CXADR: variants seen among roughly 807,000 people sequenced by gnomAD.
CXADR encodes coxsackievirus and adenovirus receptor.
In CXADR, 20 loss-of-function variants were observed where a neutral mutation model predicts 40.3. The observed-to-expected ratio is 0.50, with a 90% CI of 0.35 to 0.72. The LOEUF (loss-of-function observed/expected upper bound fraction) is 0.72. Ranked by LOEUF, CXADR falls within the 30% of genes least tolerant of loss-of-function variation. The probability of loss-of-function intolerance (pLI) is 0.01; values close to 1 mark genes in which losing one functional copy is unlikely to be tolerated. For missense variants in CXADR, 332 were observed against 449.1 expected (o/e 0.74, Z 2.36); for synonymous variants, 150 against 161.3 (o/e 0.93, Z 0.53).
chr21:17,595,929 T>C (rs923317002), downstream of CXADR, among the ~76,000 whole-genome samples: 3 of 152,030 alleles, frequency 2.0e-5, no homozygotes, highest in Non-Finnish European at 1.5e-5. Flanking sequence ...TTCACATCCT[T>C]GCTAACATTT....
chr21:17,598,838 T>G, the CXADR span: 2 of 1,598,800 alleles, frequency 1.3e-6, no homozygotes, highest in Non-Finnish European at 1.7e-6. Flanking sequence ...AGAATAAAAT[T>G]AAAAACTTAC....
chr21:17,548,967 C>T (rs1230909919), intron 2 of CXADR, among the ~76,000 whole-genome samples: 2 of 152,160 alleles, frequency 1.3e-5, no homozygotes, highest in African/African-American at 4.8e-5. Context: ...ATTTAAACTA[C>T]ATATGTTAAC....
downstream of CXADR, among the ~76,000 whole-genome samples, chr21:17,597,954 A>C (rs2061525014): frequency 6.6e-6 from 1 of 152,168 alleles, no homozygotes; most frequent in African/African-American, 2.4e-5. Flanking sequence ...AAAATTAGTA[A>C]TAAGTACATT....
rs147039711 is a variant in CXADR at position 17,587,449 on chromosome 21, G to A, written c.1018-5703G>A. Among the ~76,000 whole-genome samples the A allele has an allele frequency of 1.2e-3, 180 of 152,294 alleles. 1 individual carries two copies. The highest frequency in any genetic ancestry group is 4.2e-3 in the African/African-American group (173 of 41,558). ...TCGCCATTCTAACTGGTGTGAGATG[G>A]TATCTCAATGTGGTTTTGATTTGCA... On this transcript the variant is annotated intron_variant, in intron 7 of 7. Transcript: ENST00000400169.
intron 3 of CXADR, among the ~76,000 whole-genome samples, chr21:17,558,080 CCT>C (rs1491514298): frequency 1.2e-4 from 5 of 43,418 alleles, no homozygotes; most frequent in Middle Eastern, 0.011. Context: ...CCTCAGATTT[CCT>C]TTTTTTTTTT....
At chr21:17,593,832 T>A, downstream of CXADR, 1 of 419,902 alleles carries the variant, frequency 2.4e-6, no homozygotes, top group Non-Finnish European at 4.2e-6. Context: ...ACAGAGTTGA[T>A]GCACAATATA....
intron 1 of CXADR, chr21:17,542,888 CT>C (rs1217621187): frequency 6.0e-6 from 1 of 166,722 alleles, no homozygotes; most frequent in African/African-American, 2.4e-5. Flanking sequence ...AAGTGTCTGT[CT>C]TTTGTCTTAT....
the CXADR span, among the ~76,000 whole-genome samples, chr21:17,611,357 A>G: frequency 2.0e-5 from 3 of 152,124 alleles, no homozygotes; most frequent in Admixed American, 6.5e-5. Context: ...TATGTGCCAC[A>G]TATCTGAGTT....
chr21:17,564,090 T>C (rs1445959157), intron 6 of CXADR, among the ~76,000 whole-genome samples: 2 of 151,646 alleles, frequency 1.3e-5, no homozygotes, highest in African/African-American at 4.8e-5. Context: ...GAAACGAGTA[T>C]GGCTGTATTT....
At chr21:17,539,341 C>T (rs1408567308) in intron 1 of CXADR, among the ~76,000 whole-genome samples, 1 of 151,112 alleles carries the variant, frequency 6.6e-6, no homozygotes, top group African/African-American at 2.4e-5. Context: ...TTAAAACTGT[C>T]GCTGGTTTGT....
chr21:17,555,571 G>T (rs1278032654), intron 3 of CXADR, among the ~76,000 whole-genome samples: 2 of 152,016 alleles, frequency 1.3e-5, no homozygotes, highest in Non-Finnish European at 2.9e-5. Context: ...CTGTTTTCCG[G>T]TAATGTCCTT....
intron 6 of CXADR, among the ~76,000 whole-genome samples, chr21:17,563,530 A>G (rs932753568): frequency 2.6e-5 from 4 of 152,106 alleles, no homozygotes; most frequent in Non-Finnish European, 5.9e-5. Flanking sequence ...TAAAATAGTA[A>G]CATCAAAGAT....
At chr21:17,532,126 C>T (rs1313006274) in intron 1 of CXADR, among the ~76,000 whole-genome samples, 5 of 151,884 alleles carry the variant, frequency 3.3e-5, no homozygotes, top group African/African-American at 7.3e-5. Flanking sequence ...AGAGATGGTG[C>T]CTTCCTATGT....
intron 1 of CXADR, among the ~76,000 whole-genome samples, chr21:17,546,495 A>G (rs1443916816): frequency 6.6e-6 from 1 of 152,212 alleles, no homozygotes; most frequent in East Asian, 1.9e-4. Flanking sequence ...GGAGGCAGGC[A>G]CGTCCCACGT....
In CXADR at chr21:17,521,537, G is replaced by A. The variant is rs555136595; in HGVS notation, c.43+8365G>A. Among the ~76,000 whole-genome samples the A allele has an allele frequency of 1.1e-4, 17 of 152,092 alleles. 1 individual carries two copies. In the South Asian group the frequency reaches 2.7e-3, roughly 24 times the overall value. ...GGGGCTTCGCCATGTTGGCCAGGCT[G>A]GTCTCGAACTCCTGACCTCAGGTGA... On this transcript the variant is annotated intron_variant, in intron 1 of 6. Transcript: ENST00000284878.
At chr21:17,553,614 C>CTTTTTTTTTTTT (rs10710377) in intron 3 of CXADR, among the ~76,000 whole-genome samples, 4 of 128,274 alleles carry the variant, frequency 3.1e-5, no homozygotes, top group Non-Finnish European at 3.4e-5. Context: ...GGTCCGAATT[C>CTTTTTTTTTTTT]TTTTTTTTTT....
chr21:17,601,162 CAAA>C, the CXADR span, among the ~76,000 whole-genome samples: 2 of 115,674 alleles, frequency 1.7e-5, no homozygotes. Context: ...GACTCCGTCT[CAAA>C]AAAAAAAAAA....
At chr21:17,561,610 A>G (rs951391329) in intron 6 of CXADR, 134 bp downstream of exon 6, 2 of 693,614 alleles carry the variant, frequency 2.9e-6, no homozygotes, top group African/African-American at 3.7e-5. Flanking sequence ...CCTTCTCAAT[A>G]CATTTGAAAG....
chr21:17,526,732 A>G (rs1045643558), intron 1 of CXADR, among the ~76,000 whole-genome samples: 1 of 152,100 alleles, frequency 6.6e-6, no homozygotes, highest in Non-Finnish European at 1.5e-5. Flanking sequence ...GAAATACACT[A>G]TTTGCTCATT....
Sources: allele counts gnomAD v4.1 joint callset (sites outside exome capture counted in the v4.1 genomes callset), GRCh38; gene constraint gnomAD v4.1.1; transcripts MANE v1.5; gene names NCBI Gene and HGNC (gene_info 2026-07-23, HGNC 2026-07-21).